Variants in CXCL13 observed in about 807,000 individuals in gnomAD.
The protein encoded by CXCL13 is C-X-C motif chemokine ligand 13.
A neutral mutation model predicts 12.2 loss-of-function variants in CXCL13; 7 were observed. That is an observed-to-expected ratio of 0.57 (90% confidence interval 0.33 to 1.07). The LOEUF (loss-of-function observed/expected upper bound fraction) is 1.07, where lower values mean the gene tolerates loss of function less well. CXCL13 is among the 50% of genes least tolerant of loss of function. The pLI, the probability that CXCL13 is intolerant of heterozygous loss-of-function variation, is 0.04. For missense variants in CXCL13, 113 were observed against 127.4 expected, an observed-to-expected ratio of 0.89 and a Z score of 0.55; for synonymous variants, 47 against 42.4, an observed-to-expected ratio of 1.11 and a Z score of -0.42.
chr4:77,603,158 C>T (rs1429376669), upstream of CXCL13, among the ~76,000 whole-genome samples: 6 of 152,152 alleles, frequency 3.9e-5, no homozygotes. Flanking sequence ...GTCAGTATCA[C>T]TCATTTTTTT....
chr4:77,611,606 T>C lies in CXCL13; in HGVS notation c.*567T>C. On this transcript the variant is annotated 3_prime_UTR_variant, in exon 4 of 4. Coordinates refer to ENST00000682537, the MANE Select transcript of CXCL13 (RefSeq NM_001371558.1). ...TATAAAATTTACTGTCTAAGATTAA[T>C]AGCATTCGAAGATCCCCAGACTTCA... 5.0e-6 allele frequency: 2 copies of C among 398,662 alleles called. No individual in the cohort carries two copies. Among genetic ancestry groups the C allele is most frequent in the Admixed American group, 4.4e-5 (1 of 22,728 alleles). 24.7% of individuals were successfully genotyped at this position (398,662 alleles called of 1,614,324 possible).
chr4:77,588,492 T>C (rs1726533004), intron 1 of CXCL13, among the ~76,000 whole-genome samples: 1 of 152,212 alleles, frequency 6.6e-6, no homozygotes, highest in African/African-American at 2.4e-5. Flanking sequence ...TTCCTCTTTG[T>C]AGCACATCAC....
At chr4:77,560,285 C>T (rs1725775065) in intron 1 of CXCL13, among the ~76,000 whole-genome samples, 3 of 152,094 alleles carry the variant, frequency 2.0e-5, no homozygotes, top group Admixed American at 2.0e-4. Flanking sequence ...GCTACTAGTT[C>T]TTATTGGAAT....
intron 1 of CXCL13, among the ~76,000 whole-genome samples, chr4:77,542,918 A>G (rs1725241953): frequency 1.3e-5 from 2 of 151,908 alleles, no homozygotes. Flanking sequence ...ATTTTTTGGG[A>G]ATAGTTTCAG....
chr4:77,522,583 AT>A (rs1724638248), intron 1 of CXCL13, among the ~76,000 whole-genome samples: 1 of 92,950 alleles, frequency 1.1e-5, no homozygotes, highest in African/African-American at 4.1e-5. Flanking sequence ...CCAATCCTTT[AT>A]TTTTGAGCTT....
chr4:77,580,188 T>G (rs1726285830), intron 1 of CXCL13, among the ~76,000 whole-genome samples: 1 of 152,012 alleles, frequency 6.6e-6, no homozygotes, highest in Non-Finnish European at 1.5e-5. Flanking sequence ...AGCCCTGACT[T>G]GACTGCCATG....
intron 1 of CXCL13, among the ~76,000 whole-genome samples, chr4:77,597,875 G>GGAGAGGT (rs1726799210): frequency 6.6e-6 from 1 of 152,186 alleles, no homozygotes; most frequent in Admixed American, 6.5e-5. Flanking sequence ...GAAAAGACTA[G>GGAGAGGT]GAGAGGTGAG....
chr4:77,541,809 T>C (rs1343504979), intron 1 of CXCL13, among the ~76,000 whole-genome samples: 1 of 152,216 alleles, frequency 6.6e-6, no homozygotes, highest in Non-Finnish European at 1.5e-5. Flanking sequence ...CTTTGTGTGG[T>C]ATGGCCATTT....
At chr4:77,556,744 A>T (rs552079522) in intron 1 of CXCL13, among the ~76,000 whole-genome samples, 2 of 152,328 alleles carry the variant, frequency 1.3e-5, no homozygotes, top group Admixed American at 6.5e-5. Context: ...CAATCCAAGA[A>T]AATGGGAAAC....
chr4:77,515,092 G>A (rs1724381523), intron 1 of CXCL13, among the ~76,000 whole-genome samples: 1 of 152,114 alleles, frequency 6.6e-6, no homozygotes, highest in Non-Finnish European at 1.5e-5. Context: ...GTTTTTGTCA[G>A]GTTTGTCAAA....
At chr4:77,534,110 C>A (rs186664988) in intron 1 of CXCL13, among the ~76,000 whole-genome samples, 1 of 152,276 alleles carries the variant, frequency 6.6e-6, no homozygotes, top group Admixed American at 6.5e-5. Context: ...AGAAATCACC[C>A]GTCTTCTGCG....
At chr4:77,555,660 T>G (rs1173084621) in intron 1 of CXCL13, among the ~76,000 whole-genome samples, 1 of 152,098 alleles carries the variant, frequency 6.6e-6, no homozygotes, top group African/African-American at 2.4e-5. Flanking sequence ...ATATTAAACA[T>G]TCCATATTTC....
intron 3 of CXCL13, 55 bp downstream of exon 3, chr4:77,610,749 C>T: frequency 7.5e-7 from 1 of 1,340,460 alleles, no homozygotes; most frequent in Non-Finnish European, 1.1e-6. Context: ...AAGAGTTTCC[C>T]TTTCCTGGGC....
At chr4:77,550,575 G>T (rs1725491334) in intron 1 of CXCL13, among the ~76,000 whole-genome samples, 1 of 152,148 alleles carries the variant, frequency 6.6e-6, no homozygotes, top group East Asian at 1.9e-4. Flanking sequence ...TCTATTTGCA[G>T]ATGAGAAAAA....
chr4:77,523,536 C>G (rs1222807071), intron 1 of CXCL13, among the ~76,000 whole-genome samples: 1 of 152,156 alleles, frequency 6.6e-6, no homozygotes, highest in East Asian at 1.9e-4. Context: ...TCACGAAGTT[C>G]TCGTGCCATG....
intron 1 of CXCL13, among the ~76,000 whole-genome samples, chr4:77,573,475 T>A (rs908318416): frequency 2.6e-5 from 4 of 151,286 alleles, no homozygotes; most frequent in Non-Finnish European, 5.9e-5. Context: ...GAGTGCCAAA[T>A]TGGCTTATAA....
intron 1 of CXCL13, among the ~76,000 whole-genome samples, chr4:77,526,157 A>G (rs1313679874): frequency 6.6e-6 from 1 of 152,118 alleles, no homozygotes; most frequent in East Asian, 1.9e-4. Context: ...ATATCTTTGG[A>G]TCATAAAATT....
chr4:77,550,623 A>C (rs1296396126), intron 1 of CXCL13, among the ~76,000 whole-genome samples: 1 of 152,190 alleles, frequency 6.6e-6, no homozygotes, highest in African/African-American at 2.4e-5. Context: ...TATTCTGTAG[A>C]TGTCCTAGGT....
intron 1 of CXCL13, among the ~76,000 whole-genome samples, chr4:77,562,687 A>G (rs1725842334): frequency 7.0e-6 from 1 of 142,874 alleles, no homozygotes; most frequent in Admixed American, 6.7e-5. Context: ...TAGCTAAAGG[A>G]TTGTAAACAT....
Sources: allele counts gnomAD v4.1 joint callset (sites outside exome capture counted in the v4.1 genomes callset), GRCh38; gene constraint gnomAD v4.1.1; transcripts MANE v1.5; gene names NCBI Gene and HGNC (gene_info 2026-07-23, HGNC 2026-07-21).